Variants in LTBP2 observed in about 807,000 individuals in gnomAD.
LTBP2 encodes latent transforming growth factor beta binding protein 2.
Under a neutral mutation model 210.6 loss-of-function variants are expected in LTBP2, and 103 were observed. The observed-to-expected ratio is 0.49, with a 90% CI of 0.42 to 0.58. The LOEUF is 0.58. LTBP2 is among the 20% of genes least tolerant of loss of function. The probability of loss-of-function intolerance (pLI) is 0.00; values close to 1 mark genes in which losing one functional copy is unlikely to be tolerated. For synonymous variants in LTBP2, 1,007 were observed against 1,015.0 expected (o/e 0.99, Z 0.15); for missense variants, 2,313 against 2,494.5 (o/e 0.93, Z 1.55).
chr14:74,531,761 C>T (rs145489615), intron 10 of LTBP2, among the ~76,000 whole-genome samples: 1,757 of 152,334 alleles, frequency 0.012, 42 homozygotes, highest in African/African-American at 0.04. Context: ...TCTGGTCAGG[C>T]CTCCCGGCCC....
Position 74,540,874 on chromosome 14 carries a change from TA to T in LTBP2, c.1790-4875del, listed in dbSNP as rs1410836114. ...TATATATATTATATATATTTATATA[TA>T]TAATATATATATTATATATTAAAAA... is the stretch of plus-strand genomic sequence containing the variant. On this transcript the variant is annotated intron_variant, in intron 8 of 35. Coordinates refer to ENST00000261978, the MANE Select transcript of LTBP2 (RefSeq NM_000428.3). Among the ~76,000 whole-genome samples the T allele has an allele frequency of 9.1e-4, 93 of 102,728 alleles. 5 individuals carry two copies. The highest frequency in any genetic ancestry group is 1.6e-3 in the Non-Finnish European group (83 of 53,436). The allele number at this position is 102,728 out of a possible 152,430, so 67.4% of individuals were successfully genotyped here.
At chr14:74,589,501 A>T (rs2088251886) in intron 2 of LTBP2, among the ~76,000 whole-genome samples, 1 of 152,204 alleles carries the variant, frequency 6.6e-6, no homozygotes. Context: ...ATTTTTCTTC[A>T]TGCCCAGGCA....
chr14:74,552,914 A>G lies in LTBP2; in HGVS notation c.1170T>C (p.Asp390=), dbSNP rs778343570. The G allele has an allele frequency of 1.9e-6, 3 of 1,613,440 alleles. No individual in the cohort carries two copies. In the African/African-American group the frequency reaches 4.0e-5, roughly 22 times the overall value. Reference sequence around the variant, plus strand: ...CACAGATGCGGAAGCCAGACTTGGGATCGTGCCCATGGCCGCCCTGGCTGT... The same window carrying G: ...CACAGATGCGGAAGCCAGACTTGGGGTCGTGCCCATGGCCGCCCTGGCTGT... ...TLYSQGGHGH[D]PKSGFRIYFC... Residue 390 remains aspartate, a synonymous_variant, in exon 5 of 36, where the codon GAT becomes GAC. Transcript: ENST00000261978.
rs766970271 is a variant in LTBP2 at position 74,501,476 on chromosome 14, C to G, written c.5285G>C (p.Gly1762Ala). ...CATGTGGGCCGCATCCAGCTGGAAG[C>G]CCTCAAAACAGTCACAGGTGTAGCC... ...REGYTCDCFE[G>A]FQLDAAHMAC... The change falls in exon 35 of 36, where the codon GGC (glycine) becomes GCC (alanine). Residue 1762 changes from glycine to alanine, a missense_variant. By Grantham distance (60) the Gly-to-Ala change is moderately conservative. This residue lies in a region of LTBP2 where 443 missense variants were observed against 501.4 expected (regional missense o/e 0.88). Coordinates refer to ENST00000261978, the MANE Select transcript of LTBP2 (RefSeq NM_000428.3). The G allele has an allele frequency of 6.2e-7, 1 of 1,614,190 alleles. No individual in the cohort carries two copies. The highest frequency in any genetic ancestry group is 1.7e-5 in the Admixed American group (1 of 60,034).
At chr14:74,530,780 G>C (rs2087339813) in intron 10 of LTBP2, among the ~76,000 whole-genome samples, 1 of 152,230 alleles carries the variant, frequency 6.6e-6, no homozygotes, top group African/African-American at 2.4e-5. Context: ...CTCCCAAAGT[G>C]CTTGGATTAC....
chr14:74,599,720 G>A (rs969985683), intron 2 of LTBP2, among the ~76,000 whole-genome samples: 2 of 152,236 alleles, frequency 1.3e-5, no homozygotes, highest in East Asian at 1.9e-4. Flanking sequence ...AGAACAGGGC[G>A]GAAGGAGGGC....
rs1000053715 is a variant in LTBP2, at chr14:74,586,770, C to T, written c.566-652G>A. ...TCTCTCCTCTCCTTCCCATTGTTCT[C>T]CATCTCCCACCCTCCTTAGCAAGGC... is the stretch of plus-strand genomic sequence containing the variant. On this transcript the variant is annotated intron_variant, in intron 2 of 35. Coordinates refer to ENST00000261978, the MANE Select transcript of LTBP2 (RefSeq NM_000428.3). The surrounding 1 kb of genome is among the most constrained non-coding windows in gnomAD (Gnocchi z 4.6). 2.8e-4 allele frequency among the ~76,000 whole-genome samples: 43 copies of T among 152,314 alleles called. No individual in the cohort carries two copies. The highest frequency in any genetic ancestry group is 1.0e-3 in the African/African-American group (42 of 41,590).
chr14:74,604,183 A>C (rs1351100113), intron 1 of LTBP2, among the ~76,000 whole-genome samples: 2 of 151,384 alleles, frequency 1.3e-5, no homozygotes, highest in South Asian at 2.1e-4. Context: ...AAAAAAAAAA[A>C]ACCACACACA....
At chr14:74,575,737 G>A (rs561835685) in intron 3 of LTBP2, among the ~76,000 whole-genome samples, 7 of 152,362 alleles carry the variant, frequency 4.6e-5, no homozygotes, top group African/African-American at 9.6e-5. Context: ...TGCAACAGCA[G>A]GGAGATGGGG....
chr14:74,524,486 C>A (rs867309619), intron 15 of LTBP2, among the ~76,000 whole-genome samples: 1 of 152,076 alleles, frequency 6.6e-6, no homozygotes, highest in Non-Finnish European at 1.5e-5. Flanking sequence ...CGGGCACACA[C>A]GTGTACAGGG....
intron 27 of LTBP2, 129 bp from the exon 28 acceptor site, chr14:74,506,320 T>G (rs1228355697): frequency 6.3e-6 from 8 of 1,269,448 alleles, no homozygotes; most frequent in Non-Finnish European, 9.0e-6. Flanking sequence ...AAGTATAGAT[T>G]TGTAGGGAGG....
rs1467675240 is a variant in LTBP2 at position 74,511,341 on chromosome 14, CG to C, written c.2931del (p.Gly978ValfsTer32). On this transcript the variant is annotated frameshift_variant, in exon 19 of 36. Coordinates refer to ENST00000261978, the MANE Select transcript of LTBP2 (RefSeq NM_000428.3). LOFTEE classifies it high-confidence loss of function. Reference protein sequence around the residue: ...HCQDINECRHPGTCPDGRCVN... With the variant: ...HCQDINECRHXGTCPDGRCVN... ...ACGCATCTCCCATCAGGGCAGGTACCGGGGTGACGGCATTCGTTGATATCTG... is the reference window on the plus strand; with the variant it reads ...ACGCATCTCCCATCAGGGCAGGTACCGGGTGACGGCATTCGTTGATATCTG... The C allele has an allele frequency of 1.2e-5, 20 of 1,614,110 alleles. No homozygotes were observed. Among genetic ancestry groups the C allele is most frequent in the Non-Finnish European group, 1.6e-5 (19 of 1,180,010 alleles).
chr14:74,574,734 A>G (rs2088033041), intron 3 of LTBP2, among the ~76,000 whole-genome samples: 2 of 152,168 alleles, frequency 1.3e-5, no homozygotes, highest in African/African-American at 4.8e-5. Flanking sequence ...CCTGAAACCA[A>G]ACCCAGGATG....
At chr14:74,606,260 C>A (rs770927299) in intron 1 of LTBP2, among the ~76,000 whole-genome samples, 18 of 152,190 alleles carry the variant, frequency 1.2e-4, no homozygotes, top group Non-Finnish European at 2.1e-4. Context: ...TTGTTAAAAA[C>A]CTCCCACAGC....
chr14:74,565,263 G>A (rs904338327), intron 3 of LTBP2, among the ~76,000 whole-genome samples: 1 of 152,206 alleles, frequency 6.6e-6, no homozygotes, highest in African/African-American at 2.4e-5. Context: ...GCAAAGGTGA[G>A]GGGGCAGAGG....
intron 3 of LTBP2, among the ~76,000 whole-genome samples, chr14:74,577,560 G>A (rs558621227): frequency 6.7e-6 from 1 of 149,216 alleles, no homozygotes; most frequent in Non-Finnish European, 1.5e-5. Context: ...CCAGGCTGGA[G>A]TACAGTGGCG....
At chr14:74,558,142 A>G (rs2087751771) in intron 3 of LTBP2, among the ~76,000 whole-genome samples, 1 of 152,206 alleles carries the variant, frequency 6.6e-6, no homozygotes, top group Non-Finnish European at 1.5e-5. Context: ...GTTCATGCCT[A>G]TAATCCCAGC....
chr14:74,564,175 TTA>T (rs1299880856), intron 3 of LTBP2, among the ~76,000 whole-genome samples: 8 of 9,348 alleles, frequency 8.6e-4, no homozygotes, highest in South Asian at 2.5e-3. Flanking sequence ...ATATATATAT[TTA>T]TATATATATT....
At chr14:74,545,005 C>T (rs565580203) in intron 8 of LTBP2, among the ~76,000 whole-genome samples, 1 of 152,316 alleles carries the variant, frequency 6.6e-6, no homozygotes, top group South Asian at 2.1e-4. Flanking sequence ...CTACATGTTG[C>T]TAACCTGCCC....
Sources: allele counts gnomAD v4.1 joint callset (sites outside exome capture counted in the v4.1 genomes callset), GRCh38; gene constraint gnomAD v4.1.1; regional missense constraint gnomAD v4.1.1; non-coding constraint Gnocchi (gnomAD v3.1); transcripts MANE v1.5; gene names NCBI Gene and HGNC (gene_info 2026-07-23, HGNC 2026-07-21).